Variants in CACNB2 observed in about 807,000 individuals in gnomAD.
CACNB2 encodes the protein calcium voltage-gated channel auxiliary subunit beta 2.
CACNB2 carries 42 observed loss-of-function variants against 73.3 expected under a neutral mutation model. The observed-to-expected ratio is 0.57, with a 90% confidence interval of 0.45 to 0.74. The LOEUF is 0.74. Ranked by LOEUF, CACNB2 falls within the 30% of genes least tolerant of loss-of-function variation. The pLI is 0.00. For missense variants in CACNB2, 940 were observed against 853.0 expected, an observed-to-expected ratio of 1.10 and a Z score of -1.27; for synonymous variants, 348 against 310.3, an observed-to-expected ratio of 1.12 and a Z score of -1.28.
intron 3 of CACNB2, among the ~76,000 whole-genome samples, chr10:18,481,991 G>A (rs2048804219): frequency 6.6e-6 from 1 of 152,172 alleles, no homozygotes; most frequent in African/African-American, 2.4e-5. Context: ...CTGGGTTCAA[G>A]CAATTCTCTT....
chr10:18,211,407 G>A (rs1343313274), intron 2 of CACNB2, among the ~76,000 whole-genome samples: 2 of 152,050 alleles, frequency 1.3e-5, no homozygotes, highest in African/African-American at 4.8e-5. Flanking sequence ...CAACTTTTAA[G>A]ATATACAAAA....
intron 6 of CACNB2, chr10:18,513,593 C>T (rs1384293455): frequency 2.3e-5 from 8 of 346,982 alleles, no homozygotes; most frequent in Middle Eastern, 9.9e-4. Context: ...CACTGCTTTA[C>T]GACCCATTTT....
At chr10:18,180,451 C>CTT (rs75790306) in intron 2 of CACNB2, among the ~76,000 whole-genome samples, 25 of 145,372 alleles carry the variant, frequency 1.7e-4, no homozygotes, top group Middle Eastern at 3.6e-3. Context: ...GTAAGGCTGC[C>CTT]TTTTTTTTTT....
chr10:18,298,349 G>A (rs1273699276), intron 2 of CACNB2, among the ~76,000 whole-genome samples: 4 of 148,088 alleles, frequency 2.7e-5, no homozygotes, highest in Non-Finnish European at 4.5e-5. Context: ...CAGCCTGGGC[G>A]AAAGAGCGAA....
At position 18,426,357 on chromosome 10, in the gene CACNB2, A is replaced by C. The variant is rs751655042; in HGVS notation, c.333+24314A>C. 8.4e-4 allele frequency among the ~76,000 whole-genome samples: 128 copies of C among 152,350 alleles called. 1 individual carries two copies. Among genetic ancestry groups the C allele is most frequent in the Middle Eastern group, 6.8e-3 (2 of 294 alleles). On this transcript the variant is annotated intron_variant, in intron 3 of 13. Transcript: ENST00000324631. ...GATATGTTAATTTTTTAGTTACTAC[A>C]GTCTCTCTCACCTTTCTCTCTCAAG... is the stretch of plus-strand genomic sequence containing the variant.
chr10:18,423,701 A>T (rs987389960), intron 3 of CACNB2, among the ~76,000 whole-genome samples: 1 of 152,198 alleles, frequency 6.6e-6, no homozygotes, highest in Non-Finnish European at 1.5e-5. Flanking sequence ...ATATAGTAAC[A>T]TAAAGGACTC....
In CACNB2 at chr10:18,500,839, C is replaced by A; in HGVS notation, c.484C>A (p.Arg162=). ...EKFNNDWWIG[R]LVKEGCEIGF... ...ATTTAACAATGACTGGTGGATAGGG[C>A]GATTGGTAAAAGAAGGCTGTGAAAT... The change falls in exon 5 of 14, where the codon CGA becomes AGA. Residue 162 remains arginine (R), a synonymous_variant. Transcript: ENST00000324631. 1 of 1,613,678 alleles carries A rather than the reference C, an allele frequency of 6.2e-7. No homozygotes were observed. The highest frequency in any genetic ancestry group is 8.5e-7 in the Non-Finnish European group (1 of 1,179,786).
chr10:18,405,157 T>C (rs1287036471), intron 3 of CACNB2, among the ~76,000 whole-genome samples: 1 of 152,212 alleles, frequency 6.6e-6, no homozygotes, highest in Non-Finnish European at 1.5e-5. Context: ...TATAATTCAG[T>C]GGTTTTTAGT....
chr10:18,341,029 A>G (rs761654699), intron 2 of CACNB2: 2 of 1,566,766 alleles, frequency 1.3e-6, no homozygotes, highest in South Asian at 2.2e-5. Flanking sequence ...TTTAAAGAAA[A>G]CAGGAATGCA....
chr10:18,532,718 CAAAAA>C, intron 10 of CACNB2, among the ~76,000 whole-genome samples: 1 of 121,784 alleles, frequency 8.2e-6, no homozygotes, highest in African/African-American at 3.0e-5. Context: ...AACAAACAAA[CAAAAA>C]AAACAAAAAA....
intron 2 of CACNB2, among the ~76,000 whole-genome samples, chr10:18,153,010 A>C (rs1434093910): frequency 6.6e-6 from 1 of 152,174 alleles, no homozygotes; most frequent in Non-Finnish European, 1.5e-5. Flanking sequence ...TCACATGGCA[A>C]GGAGGGATTA....
chr10:18,152,874 G>A (rs2131044902), intron 2 of CACNB2, among the ~76,000 whole-genome samples: 1 of 152,204 alleles, frequency 6.6e-6, no homozygotes. Context: ...GAAACGAACA[G>A]TGTAGAACCC....
At chr10:18,364,376 T>C (rs1011450592) in intron 2 of CACNB2, among the ~76,000 whole-genome samples, 1 of 151,674 alleles carries the variant, frequency 6.6e-6, no homozygotes, top group Non-Finnish European at 1.5e-5. Context: ...TCTCGGCTCA[T>C]TGTAACTTCC....
intron 2 of CACNB2, among the ~76,000 whole-genome samples, chr10:18,222,679 G>A (rs1246463555): frequency 6.6e-6 from 1 of 152,226 alleles, no homozygotes; most frequent in South Asian, 2.1e-4. Context: ...GCTAATGCCT[G>A]TAATCCCAGC....
At chr10:18,461,511 C>A (rs755266551) in intron 3 of CACNB2, among the ~76,000 whole-genome samples, 2 of 151,080 alleles carry the variant, frequency 1.3e-5, no homozygotes, top group African/African-American at 4.9e-5. Flanking sequence ...GGTCCCCAAC[C>A]TTTTTGGCAC....
chr10:18,535,977 C>G lies in CACNB2; in HGVS notation c.1207-124C>G, dbSNP rs535413533. 4.6e-6 allele frequency: 3 copies of G among 654,210 alleles called. No homozygotes were observed. The South Asian group carries it at 5.2e-5, about 11-fold the overall frequency. 40.5% of individuals were successfully genotyped at this position (654,210 alleles called of 1,614,324 possible). ...GTTAATTTTGCAGATAATCTTATAG[C>G]TCCATCTATTATAAGCCCCTTGTGC... On this transcript the variant is annotated intron_variant, in intron 11 of 13. Transcript: ENST00000324631.
intron 2 of CACNB2, among the ~76,000 whole-genome samples, chr10:18,266,974 T>TAA (rs2037835486): frequency 6.6e-6 from 1 of 152,140 alleles, no homozygotes; most frequent in Admixed American, 6.5e-5. Context: ...AAGGCATGTG[T>TAA]GTATGTATGT....
intron 3 of CACNB2, among the ~76,000 whole-genome samples, chr10:18,429,713 G>A (rs1281553713): frequency 1.5e-5 from 2 of 134,632 alleles, no homozygotes; most frequent in East Asian, 4.6e-4. Context: ...TTGTACACCT[G>A]TATCCCAGGT....
chr10:18,425,818 T>A (rs1386799248), intron 3 of CACNB2, among the ~76,000 whole-genome samples: 1 of 152,186 alleles, frequency 6.6e-6, no homozygotes, highest in African/African-American at 2.4e-5. Flanking sequence ...GTATAAGGAG[T>A]GAGATAGGAA....
Sources: allele counts gnomAD v4.1 joint callset (sites outside exome capture counted in the v4.1 genomes callset), GRCh38; gene constraint gnomAD v4.1.1; transcripts MANE v1.5; gene names NCBI Gene and HGNC (gene_info 2026-07-23, HGNC 2026-07-21).